Variants in SHB observed in about 807,000 individuals in gnomAD.
The protein encoded by SHB is SH2 domain containing adaptor protein B.
A neutral mutation model predicts 52.3 loss-of-function variants in SHB; 20 were observed. The ratio of observed to expected loss-of-function variants is 0.38; its 90% confidence interval spans 0.27 to 0.56. The LOEUF is 0.56. SHB is among the 20% of genes least tolerant of loss of function. The pLI, the probability that SHB is intolerant of heterozygous loss-of-function variation, is 0.71. For synonymous variants in SHB, 397 were observed against 316.5 expected (o/e 1.25, Z -2.70); for missense variants, 825 against 723.3 (o/e 1.14, Z -1.61).
chr9:38,039,162 T>C (rs1821534581), intron 1 of SHB, among the ~76,000 whole-genome samples: 1 of 152,198 alleles, frequency 6.6e-6, no homozygotes, highest in Admixed American at 6.5e-5. Context: ...AAAGCATCCT[T>C]AAGATAAAGT....
chr9:38,035,563 G>T (rs1821475792), intron 1 of SHB, among the ~76,000 whole-genome samples: 1 of 152,082 alleles, frequency 6.6e-6, no homozygotes, highest in Admixed American at 6.5e-5. Context: ...GTGAAAGGTT[G>T]GGTGCCATGG....
intron 1 of SHB, among the ~76,000 whole-genome samples, chr9:38,045,423 A>AG (rs1169170118): frequency 6.7e-6 from 1 of 149,608 alleles, no homozygotes; most frequent in Non-Finnish European, 1.5e-5. Flanking sequence ...CAACATGGTG[A>AG]GACCCCCCCC....
intron 1 of SHB, among the ~76,000 whole-genome samples, chr9:38,064,665 T>C (rs567021000): frequency 6.6e-5 from 10 of 152,248 alleles, no homozygotes; most frequent in African/African-American, 2.4e-4. Flanking sequence ...GTCAATCTCC[T>C]CCAGGAGCTC....
At chr9:37,941,079 TTC>T (rs1170083323) in intron 5 of SHB, among the ~76,000 whole-genome samples, 3 of 152,188 alleles carry the variant, frequency 2.0e-5, no homozygotes, top group Non-Finnish European at 4.4e-5. Flanking sequence ...TGGACTCCAG[TTC>T]TGTGAGATTC....
intron 5 of SHB, among the ~76,000 whole-genome samples, chr9:37,942,808 C>T (rs1159308863): frequency 6.6e-6 from 1 of 152,122 alleles, no homozygotes; most frequent in Non-Finnish European, 1.5e-5. Flanking sequence ...TGCCTGCCCA[C>T]GTGCTGTTCG....
At chr9:37,939,741 G>C (rs1832415133) in intron 5 of SHB, among the ~76,000 whole-genome samples, 1 of 152,314 alleles carries the variant, frequency 6.6e-6, no homozygotes. Context: ...AAGAGGCCTC[G>C]AGCTGTGTTG....
intron 5 of SHB, among the ~76,000 whole-genome samples, chr9:37,921,238 G>A (rs969340842): frequency 1.1e-4 from 17 of 152,168 alleles, no homozygotes; most frequent in Admixed American, 6.5e-4. Context: ...CCATCTCCAC[G>A]GCCTCCAGCA....
At chr9:38,029,559 T>A (rs1218812930) in intron 1 of SHB, among the ~76,000 whole-genome samples, 1 of 151,566 alleles carries the variant, frequency 6.6e-6, no homozygotes, top group African/African-American at 2.4e-5. Context: ...TGGCGTGATC[T>A]AGGCTCACTG....
intron 3 of SHB, among the ~76,000 whole-genome samples, chr9:37,962,513 T>C (rs1381152287): frequency 6.6e-6 from 1 of 151,558 alleles, no homozygotes; most frequent in African/African-American, 2.4e-5. Context: ...ATCTTTCTTT[T>C]TTTTTTTTTA....
In SHB at chr9:38,068,797, C is replaced by A. The variant is rs544965561; in HGVS notation, c.-152G>T. 1 of 176,446 alleles carries A rather than the reference C, an allele frequency of 5.7e-6. No individual in the cohort carries two copies. Among genetic ancestry groups the A allele is most frequent in the African/African-American group, 2.4e-5 (1 of 41,792 alleles). 10.9% of individuals were successfully genotyped at this position (176,446 alleles called of 1,614,324 possible). On this transcript the variant is annotated 5_prime_UTR_variant, in exon 1 of 6. Coordinates refer to ENST00000377707, the MANE Select transcript of SHB (RefSeq NM_003028.3). ...CCCGACGCCAAGTTCAAGTTCTTGC[C>A]GCCGCCGCCTCCTGCCGGCAGCTCT... is the stretch of plus-strand genomic sequence containing the variant.
chr9:38,068,675 G>A lies in SHB; in HGVS notation c.-30C>T. ...AGAGGCCGCCTAGGGCCGCGGCGCG[G>A]GAGCCCGGTCCGCCGCCGCGGCCAT... On this transcript the variant is annotated 5_prime_UTR_variant, in exon 1 of 6. Coordinates refer to ENST00000377707, the MANE Select transcript of SHB (RefSeq NM_003028.3). The A allele has an allele frequency of 7.8e-7, 1 of 1,290,128 alleles. No homozygotes were observed. Among genetic ancestry groups the A allele is most frequent in the Non-Finnish European group, 9.8e-7 (1 of 1,024,596 alleles). 79.9% of individuals were successfully genotyped at this position (1,290,128 alleles called of 1,614,324 possible). A position where few individuals can be genotyped will look rare whatever the true frequency, so the allele number is the denominator to read the frequency against.
intron 1 of SHB, among the ~76,000 whole-genome samples, chr9:38,067,614 GCTCTGA>G (rs1821987366): frequency 6.6e-6 from 1 of 152,206 alleles, no homozygotes; most frequent in South Asian, 2.1e-4. Flanking sequence ...GTCCTAGACA[GCTCTGA>G]CTCTGACTTT....
At chr9:37,948,279 C>T (rs529793801) in intron 5 of SHB, among the ~76,000 whole-genome samples, 1 of 152,270 alleles carries the variant, frequency 6.6e-6, no homozygotes, top group South Asian at 2.1e-4. Flanking sequence ...AAATTGGCGA[C>T]GATATGTTCC....
chr9:38,067,205 G>A (rs917758865), intron 1 of SHB, among the ~76,000 whole-genome samples: 1 of 152,152 alleles, frequency 6.6e-6, no homozygotes, highest in Non-Finnish European at 1.5e-5. Context: ...AAGGAAGCAG[G>A]TGAGGATAGG....
intron 1 of SHB, among the ~76,000 whole-genome samples, chr9:38,025,180 G>A (rs1403286186): frequency 3.9e-5 from 6 of 152,050 alleles, no homozygotes; most frequent in Non-Finnish European, 8.8e-5. Flanking sequence ...CCCCTTACAA[G>A]GACCAACCAC....
At chr9:37,980,212 A>G (rs1820707369) in intron 2 of SHB, among the ~76,000 whole-genome samples, 1 of 152,236 alleles carries the variant, frequency 6.6e-6, no homozygotes, top group Non-Finnish European at 1.5e-5. Flanking sequence ...ATAACATTTT[A>G]CCCACGGCAG....
chr9:37,920,942 C>G (rs543626315), intron 5 of SHB, among the ~76,000 whole-genome samples: 13 of 152,270 alleles, frequency 8.5e-5, no homozygotes, highest in African/African-American at 3.1e-4. Flanking sequence ...GCCCTTGCAG[C>G]CTGCCTGCAT....
chr9:38,001,823 C>T (rs1400190165), intron 2 of SHB, among the ~76,000 whole-genome samples: 2 of 152,210 alleles, frequency 1.3e-5, no homozygotes, highest in Non-Finnish European at 1.5e-5. Context: ...GCAGTTCACC[C>T]ACACTTACCC....
chr9:38,001,854 C>T (rs1465796958), intron 2 of SHB, among the ~76,000 whole-genome samples: 1 of 152,250 alleles, frequency 6.6e-6, no homozygotes, highest in Non-Finnish European at 1.5e-5. Flanking sequence ...CTGTAGATAA[C>T]AGCCCAAAGG....
Sources: allele counts gnomAD v4.1 joint callset (sites outside exome capture counted in the v4.1 genomes callset), GRCh38; gene constraint gnomAD v4.1.1; transcripts MANE v1.5; gene names NCBI Gene and HGNC (gene_info 2026-07-23, HGNC 2026-07-21).